SH2B2: variants seen among roughly 807,000 people sequenced by gnomAD.
The protein encoded by SH2B2 is SH2B adapter protein 2.
In SH2B2, 37 loss-of-function variants were observed where a neutral mutation model predicts 35.7. The observed-to-expected ratio is 1.04, with a 90% CI of 0.80 to 1.36. The LOEUF (loss-of-function observed/expected upper bound fraction) is 1.36, where lower values mean the gene tolerates loss of function less well. Ranked by LOEUF, SH2B2 falls within the 40% of genes most tolerant of loss-of-function variation. The probability of loss-of-function intolerance (pLI) is 0.00; values close to 1 mark genes in which losing one functional copy is unlikely to be tolerated. For synonymous variants in SH2B2, 383 were observed against 376.4 expected, an observed-to-expected ratio of 1.02 and a Z score of -0.20; for missense variants, 852 against 817.7, an observed-to-expected ratio of 1.04 and a Z score of -0.51.
chr7:102,289,160 TG>T (rs1159519790), intron 1 of SH2B2, among the ~76,000 whole-genome samples: 1 of 152,192 alleles, frequency 6.6e-6, no homozygotes, highest in Non-Finnish European at 1.5e-5. Flanking sequence ...CATCGCTGTG[TG>T]GGCGTGCAGC....
intron 1 of SH2B2, chr7:102,293,034 G>A (rs1270025578): frequency 6.5e-6 from 1 of 153,546 alleles, no homozygotes; most frequent in Non-Finnish European, 1.5e-5. Flanking sequence ...GGAGGTGGGC[G>A]GGGCTCCTGC....
chr7:102,315,243 A>T (rs1586600764), intron 6 of SH2B2, among the ~76,000 whole-genome samples: 1 of 151,810 alleles, frequency 6.6e-6, no homozygotes, highest in Non-Finnish European at 1.5e-5. Context: ...AGTGTCTCAC[A>T]CCTGTAATCC....
At chr7:102,318,242 G>A (rs1442630744) in intron 7 of SH2B2, among the ~76,000 whole-genome samples, 4 of 152,088 alleles carry the variant, frequency 2.6e-5, no homozygotes, top group African/African-American at 7.2e-5. Flanking sequence ...GGGTTCAAGC[G>A]ATTCTTGTGC....
chr7:102,285,231 T>G, upstream of SH2B2: 1 of 1,551,168 alleles, frequency 6.4e-7, no homozygotes, highest in Non-Finnish European at 8.7e-7. Flanking sequence ...ATCCCAGCAG[T>G]GGAGTTCAGC....
intron 8 of SH2B2, 110 bp downstream of exon 8, chr7:102,320,612 C>T (rs1158469982): frequency 1.4e-6 from 2 of 1,388,872 alleles, no homozygotes; most frequent in Non-Finnish European, 1.9e-6. Flanking sequence ...GTCCCATAGC[C>T]TCAGCCGTGT....
chr7:102,286,756 G>C (rs1222065206), upstream of SH2B2: 1 of 29,872 alleles, frequency 3.3e-5, no homozygotes, highest in South Asian at 8.2e-4. Context: ...CGGCGCAAGT[G>C]GGGGCGGGAG....
intron 1 of SH2B2, among the ~76,000 whole-genome samples, chr7:102,299,732 G>A (rs139988782): frequency 6.6e-6 from 1 of 152,310 alleles, no homozygotes; most frequent in Non-Finnish European, 1.5e-5. Flanking sequence ...GGGCTTTGGG[G>A]AACATCAGAA....
rs1792476211 is a variant in SH2B2, at chr7:102,286,925, G to A, written c.-199G>A. The A allele has an allele frequency of 6.7e-6, 1 of 149,108 alleles. No individual in the cohort carries two copies. The highest frequency in any genetic ancestry group is 2.1e-4 in the South Asian group (1 of 4,828). The allele number at this position is 149,108 out of a possible 1,614,324, so 9.2% of individuals were successfully genotyped here. ...GAGCTCGGCTGCCAGAGAGCCGCGC[G>A]GGGGACGCGCCGGGACCGCGAGGAG... On this transcript the variant is annotated 5_prime_UTR_variant, in exon 1 of 9. Coordinates refer to ENST00000444095, the MANE Select transcript of SH2B2 (RefSeq NM_001359228.2).
chr7:102,320,806 A>T (rs1052041338), intron 8 of SH2B2, among the ~76,000 whole-genome samples: 1 of 152,094 alleles, frequency 6.6e-6, no homozygotes, highest in Non-Finnish European at 1.5e-5. Context: ...GGCAAGTGGG[A>T]TGAAAGGAGC....
rs370038535 is a variant in SH2B2, at chr7:102,295,636, C to T, written c.-29-4886C>T. On this transcript the variant is annotated intron_variant, in intron 1 of 8. Transcript: ENST00000444095. ...GACACTTGAAGTACCCTATAACTGG[C>T]ACCATGCAAGAGAGACAGGCAGGAG... is the stretch of plus-strand genomic sequence containing the variant. Among the ~76,000 whole-genome samples the T allele has an allele frequency of 2.6e-5, 4 of 152,178 alleles. No homozygotes were observed. The East Asian group carries it at 7.7e-4, about 29-fold the overall frequency.
At chr7:102,289,374 G>A (rs1032320831) in intron 1 of SH2B2, among the ~76,000 whole-genome samples, 1 of 152,142 alleles carries the variant, frequency 6.6e-6, no homozygotes, top group Admixed American at 6.5e-5. Context: ...ATCAAGGGGC[G>A]TTCCCGAGGC....
At chr7:102,303,747 G>C (rs1468858124) in intron 2 of SH2B2, among the ~76,000 whole-genome samples, 1 of 152,236 alleles carries the variant, frequency 6.6e-6, no homozygotes, top group Non-Finnish European at 1.5e-5. Context: ...GTCACCCAGA[G>C]GGCAGGGACA....
rs782101259 is a variant in SH2B2, at chr7:102,301,222, C to A, written c.672C>A (p.Leu224=). ...GSAQWQKCRL[L]LRRAVAEERF... ...CTCAGTGGCAGAAGTGCCGCCTGCT[C>A]CTGCGCAGGGCTGTGGCCGAGGAAC... Residue 224 remains leucine (L), a synonymous_variant, in exon 2 of 9, where the codon CTC becomes CTA. Coordinates refer to ENST00000444095, the MANE Select transcript of SH2B2 (RefSeq NM_001359228.2). 5.0e-6 allele frequency: 8 copies of A among 1,599,262 alleles called. 1 individual carries two copies. In the South Asian group the frequency reaches 7.8e-5, roughly 16 times the overall value.
intron 4 of SH2B2, among the ~76,000 whole-genome samples, chr7:102,310,271 G>A (rs1237980388): frequency 6.6e-6 from 1 of 152,194 alleles, no homozygotes; most frequent in Non-Finnish European, 1.5e-5. Context: ...AGCTGAGACT[G>A]TGCCATTGCA....
chr7:102,298,191 G>C (rs1272605786), intron 1 of SH2B2, among the ~76,000 whole-genome samples: 1 of 152,196 alleles, frequency 6.6e-6, no homozygotes, highest in African/African-American at 2.4e-5. Flanking sequence ...TACTCTGACT[G>C]TAATACGAAC....
intron 2 of SH2B2, among the ~76,000 whole-genome samples, chr7:102,304,292 G>C (rs937080033): frequency 3.8e-4 from 58 of 152,138 alleles, no homozygotes; most frequent in African/African-American, 1.3e-3. Context: ...GCCCTGGTGA[G>C]TCAGGTCTCT....
intron 1 of SH2B2, among the ~76,000 whole-genome samples, chr7:102,289,956 G>C (rs1480591846): frequency 1.1e-4 from 17 of 152,104 alleles, no homozygotes; most frequent in African/African-American, 4.1e-4. Context: ...GTCCAGCACT[G>C]GGTGCTCCTG....
chr7:102,307,197 C>T (rs1181252267), intron 3 of SH2B2, among the ~76,000 whole-genome samples: 3 of 152,256 alleles, frequency 2.0e-5, no homozygotes, highest in Non-Finnish European at 4.4e-5. Flanking sequence ...TCCCAGGGCA[C>T]TGGAGTGTGG....
chr7:102,289,379 C>G (rs562842191), intron 1 of SH2B2, among the ~76,000 whole-genome samples: 13 of 152,094 alleles, frequency 8.5e-5, no homozygotes, highest in Non-Finnish European at 8.8e-5. Flanking sequence ...GGGGCGTTCC[C>G]GAGGCCTCTG....
Sources: gnomAD v4.1 joint callset for allele counts (sites outside exome capture counted in the v4.1 genomes callset) on GRCh38, gnomAD v4.1.1 for gene constraint, MANE v1.5 for transcripts, NCBI Gene and HGNC (gene_info 2026-07-23, HGNC 2026-07-21) for gene names.